Variants in SWAP70 observed in about 807,000 individuals in gnomAD.
The protein encoded by SWAP70 is switch-associated protein 70.
A neutral mutation model predicts 80.2 loss-of-function variants in SWAP70; 34 were observed. That is an observed-to-expected ratio of 0.42 (90% CI 0.32 to 0.56). The LOEUF is 0.56. Ranked by LOEUF, SWAP70 falls within the 20% of genes least tolerant of loss-of-function variation. The probability of loss-of-function intolerance (pLI) is 0.09; values close to 1 mark genes in which losing one functional copy is unlikely to be tolerated. For synonymous variants in SWAP70, 239 were observed against 238.5 expected (o/e 1.00, Z -0.02); for missense variants, 578 against 690.7 (o/e 0.84, Z 1.83).
At chr11:9,726,950 A>G (rs888491574) in intron 4 of SWAP70, 7 of 456,200 alleles carry the variant, frequency 1.5e-5, no homozygotes, top group African/African-American at 1.4e-4. Flanking sequence ...GAGGTCAGGC[A>G]GAAAGGTAGG....
chr11:9,698,240 A>G (rs1181405289), intron 2 of SWAP70, among the ~76,000 whole-genome samples: 2 of 151,286 alleles, frequency 1.3e-5, no homozygotes, highest in Admixed American at 6.6e-5. Context: ...AAATGGGATT[A>G]TAGTTGTGTG....
intron 2 of SWAP70, among the ~76,000 whole-genome samples, chr11:9,701,126 T>C (rs1430385710): frequency 6.6e-6 from 1 of 152,168 alleles, no homozygotes; most frequent in Non-Finnish European, 1.5e-5. Context: ...TTCAAATGAT[T>C]AACCTGTCTG....
rs1218694032 is a variant in SWAP70, at chr11:9,751,024, A to G, written c.*1054A>G. ...TCTAGTGAATGATGTGCTACCAAGTATATGCCAGGCTGTGAGAGGATTATA... is the reference window on the plus strand; with the variant it reads ...TCTAGTGAATGATGTGCTACCAAGTGTATGCCAGGCTGTGAGAGGATTATA... On this transcript the variant is annotated 3_prime_UTR_variant, in exon 12 of 12. Transcript: ENST00000318950. 7.2e-5 allele frequency: 11 copies of G among 152,240 alleles called. No individual in the cohort carries two copies. The highest frequency in any genetic ancestry group is 2.7e-4 in the African/African-American group (11 of 41,460). 9.4% of individuals were successfully genotyped at this position (152,240 alleles called of 1,614,324 possible).
intron 7 of SWAP70, among the ~76,000 whole-genome samples, chr11:9,734,950 G>C (rs977108076): frequency 1.3e-5 from 2 of 152,092 alleles, no homozygotes; most frequent in Non-Finnish European, 2.9e-5. Context: ...CTGGAATTAG[G>C]TTACATATCT....
intron 1 of SWAP70, among the ~76,000 whole-genome samples, chr11:9,676,812 G>C (rs1045109823): frequency 2.6e-5 from 4 of 151,938 alleles, no homozygotes; most frequent in Admixed American, 2.6e-4. Flanking sequence ...ACCACGCCCG[G>C]CTAATTTTTT....
In SWAP70 at chr11:9,705,351, GTGA is replaced by G. The variant is rs1850891075; in HGVS notation, c.241-8113_241-8111del. ...TACACTTGGTGATCTGTATACACTG[GTGA>G]TCTGTGTATACTTGGTGATCTGTAT... On this transcript the variant is annotated intron_variant, in intron 2 of 11. Transcript: ENST00000318950. Among the ~76,000 whole-genome samples, 2 of 146,274 alleles carry G rather than the reference GTGA, an allele frequency of 1.4e-5. 1 individual carries two copies. Among genetic ancestry groups the G allele is most frequent in the African/African-American group, 5.4e-5 (2 of 37,176 alleles).
chr11:9,669,925 C>G (rs1850354436), intron 1 of SWAP70, among the ~76,000 whole-genome samples: 1 of 152,030 alleles, frequency 6.6e-6, no homozygotes, highest in African/African-American at 2.4e-5. Flanking sequence ...GTCAGGAGTT[C>G]AAGACTAGTG....
rs147315200 is a variant in SWAP70 at position 9,672,818 on chromosome 11, A to T, written c.99+8540A>T. On this transcript the variant is annotated intron_variant, in intron 1 of 11. Coordinates refer to ENST00000318950, the MANE Select transcript of SWAP70 (RefSeq NM_015055.4). ...TTTATATACCTAATTTTTAACAAAT[A>T]GCATATTATTAAGTAAAAGAAAAAT... Among the ~76,000 whole-genome samples the T allele has an allele frequency of 9.1e-3, 1,386 of 152,314 alleles. 13 individuals are homozygous for T. The highest frequency in any genetic ancestry group is 0.032 in the South Asian group (153 of 4,824).
intron 6 of SWAP70, among the ~76,000 whole-genome samples, chr11:9,730,137 A>G (rs940675667): frequency 5.9e-5 from 9 of 152,004 alleles, no homozygotes; most frequent in East Asian, 5.8e-4. Flanking sequence ...TGAGTCTCCA[A>G]TGTCTATTAT....
intron 6 of SWAP70, among the ~76,000 whole-genome samples, chr11:9,732,142 C>G (rs930300540): frequency 6.6e-6 from 1 of 152,076 alleles, no homozygotes; most frequent in Non-Finnish European, 1.5e-5. Context: ...TCTTGTTTGG[C>G]TTTTTGAAAA....
chr11:9,671,833 T>A (rs1850413036), intron 1 of SWAP70, among the ~76,000 whole-genome samples: 1 of 103,328 alleles, frequency 9.7e-6, no homozygotes, highest in Non-Finnish European at 1.7e-5. Flanking sequence ...TATAATATAA[T>A]AATATATAAT....
intron 5 of SWAP70, among the ~76,000 whole-genome samples, 160 bp downstream of exon 5, chr11:9,728,359 C>G (rs1455698901): frequency 6.6e-6 from 1 of 151,884 alleles, no homozygotes; most frequent in Non-Finnish European, 1.5e-5. Flanking sequence ...GTTTCTGAAC[C>G]AAAAATTAAA....
intron 9 of SWAP70, among the ~76,000 whole-genome samples, chr11:9,745,480 G>A (rs1417246504): frequency 6.6e-6 from 1 of 152,216 alleles, no homozygotes; most frequent in Non-Finnish European, 1.5e-5. Context: ...AACAAGTACA[G>A]GATCCAGGAG....
intron 1 of SWAP70, among the ~76,000 whole-genome samples, chr11:9,675,320 CGAGAGA>C (rs111414369): frequency 0.29 from 9,243 of 31,470 alleles, 3,181 homozygotes; most frequent in Non-Finnish European, 0.56. Flanking sequence ...AGAGAGGGAG[CGAGAGA>C]GAGAGAGAGA....
chr11:9,673,873 T>C (rs946239287), intron 1 of SWAP70, among the ~76,000 whole-genome samples: 2 of 152,144 alleles, frequency 1.3e-5, no homozygotes, highest in Admixed American at 6.5e-5. Flanking sequence ...AGATTTGTTT[T>C]CTTTTTTCAT....
At chr11:9,703,267 C>A (rs1219637335) in intron 2 of SWAP70, 1 of 433,220 alleles carries the variant, frequency 2.3e-6, no homozygotes, top group East Asian at 7.1e-5. Flanking sequence ...TACTTCATTC[C>A]TTTTTATGGC....
chr11:9,694,268 C>T lies in SWAP70; in HGVS notation c.222C>T (p.Asn74=). Residue 74 remains asparagine, a synonymous_variant, in exon 2 of 12, where the codon AAC becomes AAT. Coordinates refer to ENST00000318950, the MANE Select transcript of SWAP70 (RefSeq NM_015055.4). ...ACCAGGGCTACATGCCTTATTTAAA[C>T]AGGTTCATTTTGGAAAAGGTATGAT... ...VSNQGYMPYL[N]RFILEKVQDN... is the part of the protein sequence containing the mutation. 1 of 1,611,584 alleles carries T rather than the reference C, an allele frequency of 6.2e-7. No individual in the cohort carries two copies. The highest frequency in any genetic ancestry group is 1.3e-5 in the African/African-American group (1 of 74,882).
chr11:9,747,531 G>T (rs1851527373), intron 9 of SWAP70, among the ~76,000 whole-genome samples: 1 of 152,232 alleles, frequency 6.6e-6, no homozygotes, highest in African/African-American at 2.4e-5. Flanking sequence ...TCTAAAATAT[G>T]AGTAGCAGCA....
At chr11:9,666,773 A>G (rs1850312313) in intron 1 of SWAP70, among the ~76,000 whole-genome samples, 2 of 140,692 alleles carry the variant, frequency 1.4e-5, no homozygotes, top group South Asian at 2.2e-4. Context: ...CACCCAGGCT[A>G]GAGTGCAGTG....
Sources: gnomAD v4.1 joint callset for allele counts (sites outside exome capture counted in the v4.1 genomes callset) on GRCh38, gnomAD v4.1.1 for gene constraint, MANE v1.5 for transcripts, NCBI Gene and HGNC (gene_info 2026-07-23, HGNC 2026-07-21) for gene names.